Variants in CAPZA2 observed in about 807,000 individuals in gnomAD.
CAPZA2 encodes the protein capping actin protein of muscle Z-line subunit alpha 2.
A neutral mutation model predicts 44.0 loss-of-function variants in CAPZA2; 13 were observed. The ratio of observed to expected loss-of-function variants is 0.30; its 90% CI spans 0.19 to 0.47. The LOEUF is 0.47. Among genes scored for constraint, CAPZA2 ranks in the 20% least tolerant of loss-of-function variants. The pLI is 1.00. For missense variants in CAPZA2, 244 were observed against 338.6 expected (o/e 0.72, Z 2.19); for synonymous variants, 94 against 108.2 (o/e 0.87, Z 0.81).
intron 3 of CAPZA2, among the ~76,000 whole-genome samples, chr7:116,895,405 G>T (rs1404919430): frequency 1.3e-5 from 2 of 151,984 alleles, no homozygotes; most frequent in African/African-American, 4.8e-5. Context: ...TATATTTGTT[G>T]TAAGAGAAAT....
chr7:116,903,393 A>G (rs1797021406), intron 4 of CAPZA2, among the ~76,000 whole-genome samples: 1 of 152,162 alleles, frequency 6.6e-6, no homozygotes, highest in African/African-American at 2.4e-5. Context: ...ATGCAAGTAT[A>G]GACATGTGTA....
chr7:116,896,819 A>T (rs1796934481), intron 3 of CAPZA2, among the ~76,000 whole-genome samples: 1 of 152,096 alleles, frequency 6.6e-6, no homozygotes, highest in Admixed American at 6.6e-5. Context: ...GAGTGGGTGC[A>T]TGAAGTGAGT....
At chr7:116,910,679 T>C (rs1791579797) in intron 7 of CAPZA2, among the ~76,000 whole-genome samples, 1 of 152,132 alleles carries the variant, frequency 6.6e-6, no homozygotes, top group South Asian at 2.1e-4. Context: ...TGCATGTGTG[T>C]AGTTGTATAA....
chr7:116,880,279 A>G (rs1796674570), intron 1 of CAPZA2: 1 of 340,620 alleles, frequency 2.9e-6, no homozygotes, highest in South Asian at 2.4e-5. Flanking sequence ...TTGTAAACTT[A>G]CATTTTAATT....
At chr7:116,896,293 C>T (rs1796925845) in intron 3 of CAPZA2, among the ~76,000 whole-genome samples, 1 of 152,052 alleles carries the variant, frequency 6.6e-6, no homozygotes, top group Admixed American at 6.6e-5. Flanking sequence ...CAAAATTAGC[C>T]ATACTGAAGA....
At chr7:116,863,694 T>G (rs1796446652) in intron 1 of CAPZA2, among the ~76,000 whole-genome samples, 1 of 152,150 alleles carries the variant, frequency 6.6e-6, no homozygotes, top group Non-Finnish European at 1.5e-5. Context: ...AGGAATGAGT[T>G]AGTTGCAGGG....
chr7:116,901,552 C>T (rs907446109), intron 4 of CAPZA2, among the ~76,000 whole-genome samples: 1 of 152,058 alleles, frequency 6.6e-6, no homozygotes, highest in African/African-American at 2.4e-5. Context: ...GGAAAAATAA[C>T]TAATGGGTAC....
intron 1 of CAPZA2, among the ~76,000 whole-genome samples, chr7:116,872,214 CT>C (rs969296986): frequency 2.6e-5 from 4 of 151,196 alleles, no homozygotes; most frequent in African/African-American, 4.9e-5. Context: ...TTTAAGAATA[CT>C]TTTTTTTTGT....
intron 1 of CAPZA2, among the ~76,000 whole-genome samples, chr7:116,882,108 A>G (rs1308725344): frequency 6.6e-6 from 1 of 152,164 alleles, no homozygotes; most frequent in East Asian, 1.9e-4. Flanking sequence ...TTTATTTGGT[A>G]AAGGTGGTGT....
intron 1 of CAPZA2, among the ~76,000 whole-genome samples, chr7:116,868,758 T>C (rs1419930692): frequency 6.6e-6 from 1 of 152,112 alleles, no homozygotes; most frequent in Non-Finnish European, 1.5e-5. Context: ...AAAATTCTTA[T>C]TATTGAGAAG....
At chr7:116,890,556 A>G (rs1270879038) in intron 2 of CAPZA2, among the ~76,000 whole-genome samples, 2 of 12,370 alleles carry the variant, frequency 1.6e-4, no homozygotes, top group African/African-American at 5.9e-4. Context: ...ATATATATAT[A>G]TATATATATA....
chr7:116,892,487 C>G (rs1268190605), intron 2 of CAPZA2, among the ~76,000 whole-genome samples: 1 of 152,012 alleles, frequency 6.6e-6, no homozygotes, highest in Non-Finnish European at 1.5e-5. Context: ...TTTCTGCAGA[C>G]TTTAACATAC....
At chr7:116,882,528 A>G (rs1462974882) in intron 1 of CAPZA2, among the ~76,000 whole-genome samples, 1 of 152,156 alleles carries the variant, frequency 6.6e-6, no homozygotes, top group Non-Finnish European at 1.5e-5. Context: ...ATACGAAAAA[A>G]TATTGTTTGA....
rs911418083 is a variant in CAPZA2, at chr7:116,869,126, G to A, written c.39+6476G>A. Among the ~76,000 whole-genome samples, 5 of 152,290 alleles carry A rather than the reference G, an allele frequency of 3.3e-5. No homozygotes were observed. In the Middle Eastern group the frequency reaches 0.01, roughly 311 times the overall value. On this transcript the variant is annotated intron_variant, in intron 1 of 9. Coordinates refer to ENST00000361183, the MANE Select transcript of CAPZA2 (RefSeq NM_006136.3). The stretch of plus-strand genomic sequence containing the variant: ...TGTGGTTCCAAGCTATGACCTAAAA[G>A]CCTAATCAGTCACCTGAAGCAAAAA...
chr7:116,907,327 A>T (rs1259783761), intron 6 of CAPZA2, among the ~76,000 whole-genome samples: 1 of 152,220 alleles, frequency 6.6e-6, no homozygotes, highest in East Asian at 1.9e-4. Context: ...AGTTCCCTAA[A>T]GGTTCTGTCA....
At chr7:116,866,779 T>C (rs1796489298) in intron 1 of CAPZA2, among the ~76,000 whole-genome samples, 1 of 152,232 alleles carries the variant, frequency 6.6e-6, no homozygotes, top group African/African-American at 2.4e-5. Context: ...GTCTCCCAGG[T>C]ACATAGCTGT....
intron 1 of CAPZA2, among the ~76,000 whole-genome samples, chr7:116,871,827 A>C (rs764960032): frequency 6.6e-6 from 1 of 152,196 alleles, no homozygotes; most frequent in Non-Finnish European, 1.5e-5. Flanking sequence ...GCCAGGCCTT[A>C]TGTCTTCACC....
rs1554410805 is a variant in CAPZA2, at chr7:116,901,881, A to ATGTGTGTGTG, written c.220-2274_220-2265dup. Among the ~76,000 whole-genome samples, 802 of 140,872 alleles carry ATGTGTGTGTG rather than the reference A, an allele frequency of 5.7e-3. 4 individuals are homozygous for ATGTGTGTGTG. Among genetic ancestry groups the ATGTGTGTGTG allele is most frequent in the South Asian group, 8.9e-3 (39 of 4,380 alleles). The allele number at this position is 140,872 out of a possible 152,430, so 92.4% of individuals were successfully genotyped here. A position where few individuals can be genotyped will look rare whatever the true frequency, so the allele number is the denominator to read the frequency against. ...AAAACATGCTTGAAATAACGAAGAA[A>ATGTGTGTGTG]TGTGTGTGTGTGTGTGTGTGTGTGT... On this transcript the variant is annotated intron_variant, in intron 4 of 9. Coordinates refer to ENST00000361183, the MANE Select transcript of CAPZA2 (RefSeq NM_006136.3).
intron 3 of CAPZA2, among the ~76,000 whole-genome samples, chr7:116,894,563 T>C (rs1796900668): frequency 6.6e-6 from 1 of 152,212 alleles, no homozygotes; most frequent in Non-Finnish European, 1.5e-5. Flanking sequence ...TAAAACATAC[T>C]ATTTTACCCA....
Sources: allele counts gnomAD v4.1 joint callset (sites outside exome capture counted in the v4.1 genomes callset), GRCh38; gene constraint gnomAD v4.1.1; transcripts MANE v1.5; gene names NCBI Gene and HGNC (gene_info 2026-07-23, HGNC 2026-07-21).